Variants in ZNF536 observed in about 807,000 individuals in gnomAD.
ZNF536 encodes zinc finger protein 536.
In ZNF536, 13 loss-of-function variants were observed where a neutral mutation model predicts 84.5. The ratio of observed to expected loss-of-function variants is 0.15; its 90% confidence interval spans 0.10 to 0.24. ZNF536 has a LOEUF of 0.24. Among genes scored for constraint, ZNF536 ranks in the 10% least tolerant of loss-of-function variants. The pLI, the probability that ZNF536 is intolerant of heterozygous loss-of-function variation, is 1.00. For synonymous variants in ZNF536, 811 were observed against 742.5 expected (o/e 1.09, Z -1.50); for missense variants, 1,536 against 1,747.5 (o/e 0.88, Z 2.16).
upstream of ZNF536, among the ~76,000 whole-genome samples, chr19:30,368,896 C>T (rs1357397415): frequency 3.3e-5 from 5 of 152,208 alleles, no homozygotes; most frequent in Admixed American, 6.5e-5. Context: ...ATTTTGCAAA[C>T]GTAGACCCTG....
At chr19:30,476,653 G>A (rs547739287) in intron 2 of ZNF536, among the ~76,000 whole-genome samples, 1 of 152,180 alleles carries the variant, frequency 6.6e-6, no homozygotes, top group South Asian at 2.1e-4. Context: ...TGTGGCTCAC[G>A]GCCGCTTAGG....
Position 30,389,043 on chromosome 19 carries a change from A to T in ZNF536, c.-3+16487A>T, listed in dbSNP as rs1907333677. On this transcript the variant is annotated intron_variant, in intron 1 of 4. Coordinates refer to ENST00000355537, the MANE Select transcript of ZNF536 (RefSeq NM_014717.3). ...GGAGTCCCATGCCCCATCTCTCTTG[A>T]TTTACCAGGCTCCTCTTACCATGAG... Among the ~76,000 whole-genome samples the T allele has an allele frequency of 3.9e-5, 6 of 152,138 alleles. No individual in the cohort carries two copies. In the South Asian group the frequency reaches 1.2e-3, roughly 32 times the overall value.
intron 1 of ZNF536, among the ~76,000 whole-genome samples, chr19:30,395,373 T>G (rs1365304836): frequency 6.6e-6 from 1 of 152,192 alleles, no homozygotes; most frequent in Non-Finnish European, 1.5e-5. Flanking sequence ...ACATCTGGTT[T>G]GGGGTGGACC....
chr19:30,520,503 C>T (rs925569342), intron 2 of ZNF536, among the ~76,000 whole-genome samples: 7 of 152,194 alleles, frequency 4.6e-5, no homozygotes, highest in African/African-American at 1.4e-4. Flanking sequence ...CCAACTCCTT[C>T]ACCTACTCCC....
chr19:30,445,082 A>G lies in ZNF536; in HGVS notation c.1520A>G (p.Gln507Arg), dbSNP rs1288610774. ...PLKSSCIERL[Q>R]AAAKAAEMDP... ...AAATCCAGCTGCATCGAGCGGCTGC[A>G]GGCGGCTGCCAAGGCTGCGGAGATG... Residue 507 changes from glutamine (Q) to arginine (R), a missense_variant, in exon 2 of 5, where the codon CAG becomes CGG. Around this residue, in one of 8 missense-constraint regions of ZNF536, gnomAD observed 366 missense variants for 364.4 expected, o/e 1.00. Transcript: ENST00000355537. The surrounding 1 kb of genome is among the most constrained non-coding windows in gnomAD (Gnocchi z 4.5). The G allele has an allele frequency of 1.2e-6, 2 of 1,613,576 alleles. No individual in the cohort carries two copies. The highest frequency in any genetic ancestry group is 1.1e-5 in the South Asian group (1 of 91,082).
chr19:30,474,042 G>A (rs571888486), intron 2 of ZNF536, among the ~76,000 whole-genome samples: 3 of 152,326 alleles, frequency 2.0e-5, no homozygotes, highest in Non-Finnish European at 2.9e-5. Flanking sequence ...TATTTGTTCC[G>A]ACATGGATGA....
chr19:30,411,241 C>T (rs564235184), intron 1 of ZNF536, among the ~76,000 whole-genome samples: 68 of 152,194 alleles, frequency 4.5e-4, no homozygotes, highest in Middle Eastern at 6.8e-3. Context: ...CAGGGTGCAC[C>T]AGTTTACTTT....
intron 1 of ZNF536, among the ~76,000 whole-genome samples, chr19:30,644,510 T>C (rs1205021852): frequency 6.6e-6 from 1 of 152,040 alleles, no homozygotes; most frequent in East Asian, 1.9e-4. Context: ...ATGCTATCCC[T>C]CCCCCATCCT....
chr19:30,542,383 A>G (rs2045367147), intron 3 of ZNF536, among the ~76,000 whole-genome samples: 1 of 152,220 alleles, frequency 6.6e-6, no homozygotes, highest in Non-Finnish European at 1.5e-5. Flanking sequence ...TTGATGATAC[A>G]GTGACTTGGG....
chr19:30,256,440 C>T (rs1426132614), intron 1 of ZNF536, among the ~76,000 whole-genome samples: 2 of 152,178 alleles, frequency 1.3e-5, no homozygotes, highest in Non-Finnish European at 2.9e-5. Flanking sequence ...AATGCCCTTT[C>T]TTCATGATTC....
intron 3 of ZNF536, among the ~76,000 whole-genome samples, chr19:30,354,466 C>T (rs191992680): frequency 6.6e-6 from 1 of 152,328 alleles, no homozygotes; most frequent in East Asian, 1.9e-4. Context: ...CTCCTGGGCT[C>T]AAGCAATCCT....
At chr19:30,568,163 C>T (rs1413368475) in intron 1 of ZNF536, among the ~76,000 whole-genome samples, 2 of 152,142 alleles carry the variant, frequency 1.3e-5, no homozygotes, top group African/African-American at 4.8e-5. Flanking sequence ...ATAAAAATGG[C>T]AATTGTGCAG....
At chr19:30,526,119 C>A (rs1264741264) in intron 2 of ZNF536, among the ~76,000 whole-genome samples, 1 of 152,172 alleles carries the variant, frequency 6.6e-6, no homozygotes, top group Non-Finnish European at 1.5e-5. Context: ...AGCCCACAGT[C>A]CCTGTCCCAC....
chr19:30,561,406 T>C (rs1012299592), downstream of ZNF536, among the ~76,000 whole-genome samples: 1 of 152,140 alleles, frequency 6.6e-6, no homozygotes, highest in African/African-American at 2.4e-5. Context: ...TAGCTCTTTC[T>C]TGTCAAGTAG....
At chr19:30,566,973 C>G (rs963351622) in intron 1 of ZNF536, among the ~76,000 whole-genome samples, 2 of 151,530 alleles carry the variant, frequency 1.3e-5, no homozygotes, top group Admixed American at 6.6e-5. Context: ...AGTGGAGGTC[C>G]CTGTGTGTGG....
In ZNF536 at chr19:30,270,609, C is replaced by T. The variant is rs113663177; in HGVS notation, c.-189-13463C>T. On this transcript the variant is annotated intron_variant, in intron 1 of 5. Coordinates refer to the ZNF536 transcript ENST00000585628. ...TTCCCAAAGCTTGTGGCAATATATT[C>T]GCGTCTTTTAGAGTGATGGAAGATC... is the stretch of plus-strand genomic sequence containing the variant. Among the ~76,000 whole-genome samples the T allele has an allele frequency of 4.4e-4, 67 of 152,282 alleles. 1 individual carries two copies. The highest frequency in any genetic ancestry group is 1.3e-3 in the African/African-American group (55 of 41,556).
intron 1 of ZNF536, among the ~76,000 whole-genome samples, chr19:30,271,299 C>CTTTTTTT (rs781528411): frequency 1.2e-3 from 137 of 111,780 alleles, no homozygotes; most frequent in South Asian, 2.2e-3. Flanking sequence ...TTTTTCTTTT[C>CTTTTTTT]TTTTTTTTTT....
At chr19:30,698,229 C>T (rs1338088432) in intron 1 of ZNF536, among the ~76,000 whole-genome samples, 1 of 151,676 alleles carries the variant, frequency 6.6e-6, no homozygotes, top group Non-Finnish European at 1.5e-5. Context: ...GAGGTGGACG[C>T]TGCAGTGAAC....
intron 2 of ZNF536, among the ~76,000 whole-genome samples, chr19:30,462,253 A>C (rs189798493): frequency 1.3e-5 from 2 of 151,996 alleles, no homozygotes; most frequent in East Asian, 3.9e-4. Flanking sequence ...GTCTGCTGTG[A>C]TGGATGGGAG....
Sources: allele counts gnomAD v4.1 joint callset (sites outside exome capture counted in the v4.1 genomes callset), GRCh38; gene constraint gnomAD v4.1.1; regional missense constraint gnomAD v4.1.1; non-coding constraint Gnocchi (gnomAD v3.1); transcripts MANE v1.5; gene names NCBI Gene and HGNC (gene_info 2026-07-23, HGNC 2026-07-21).